Variants in TMEM278 observed in about 807,000 individuals in gnomAD.
TMEM278 encodes the protein transmembrane protein 278.
the TMEM278 span, chr1:1,427,619 C>A: frequency 1.1e-4 from 139 of 1,322,632 alleles, no homozygotes; most frequent in Non-Finnish European, 1.3e-4. Flanking sequence ...CGGCGCTCAT[C>A]GTGTTCGGGC....
At chr1:1,427,750 G>T in the TMEM278 span, 1 of 1,311,822 alleles carries the variant, frequency 7.6e-7, no homozygotes. Flanking sequence ...CCCCCGGGGC[G>T]CCCCGACGAG....
chr1:1,427,377 A>C, the TMEM278 span, among the ~76,000 whole-genome samples: 8 of 22,394 alleles, frequency 3.6e-4, no homozygotes, highest in East Asian at 1.3e-3. Flanking sequence ...CCCCTCCATC[A>C]CCCTGCCCTG....
At chr1:1,425,892 G>GGCTGGAGACTGGCGCTGCTGGA in the TMEM278 span, among the ~76,000 whole-genome samples, 1 of 152,218 alleles carries the variant, frequency 6.6e-6, no homozygotes, top group African/African-American at 2.4e-5. Context: ...AGCTGGCTGG[G>GGCTGGAGACTGGCGCTGCTGGA]GCTGGAGACT....
the TMEM278 span, chr1:1,426,018 T>C: frequency 7.9e-7 from 1 of 1,260,584 alleles, no homozygotes; most frequent in African/African-American, 1.6e-5. Context: ...GGCTGGGGGA[T>C]GTGGACTGGC....
At chr1:1,430,084 C>T in the TMEM278 span, among the ~76,000 whole-genome samples, 220 of 152,300 alleles carry the variant, frequency 1.4e-3, 2 homozygotes, top group South Asian at 0.012. Flanking sequence ...TCTCGAACTC[C>T]TAGGCACAAG....
the TMEM278 span, among the ~76,000 whole-genome samples, chr1:1,429,901 G>A: frequency 5.9e-5 from 9 of 152,256 alleles, no homozygotes; most frequent in East Asian, 9.6e-4. Context: ...TTGCTCTGCC[G>A]CCCAGTCTGA....
At chr1:1,426,471 C>T in the TMEM278 span, 1 of 1,150,410 alleles carries the variant, frequency 8.7e-7, no homozygotes, top group African/African-American at 1.6e-5. Flanking sequence ...TGCCCCCTTC[C>T]AGAATTGCCC....
At chr1:1,427,981 G>A in the TMEM278 span, among the ~76,000 whole-genome samples, 1 of 138,590 alleles carries the variant, frequency 7.2e-6, no homozygotes, top group Non-Finnish European at 1.6e-5. Context: ...GGGGAAGAGA[G>A]GGGAGGGGAG....
chr1:1,426,203 C>A, the TMEM278 span: 5 of 1,415,480 alleles, frequency 3.5e-6, no homozygotes, highest in Non-Finnish European at 4.6e-6. Context: ...CATGCTGCCC[C>A]GGGGACCTCC....
the TMEM278 span, chr1:1,426,412 A>T: frequency 1.2e-4 from 165 of 1,352,100 alleles, no homozygotes; most frequent in Non-Finnish European, 1.5e-4. Flanking sequence ...TGGGCGGGGG[A>T]CTAGCTGGGG....
chr1:1,427,306 A>C, the TMEM278 span, among the ~76,000 whole-genome samples: 4 of 70,286 alleles, frequency 5.7e-5, no homozygotes, highest in African/African-American at 1.2e-4. Flanking sequence ...CATCACCCTG[A>C]CCCACCCACA....
the TMEM278 span, among the ~76,000 whole-genome samples, chr1:1,429,655 C>G: frequency 1.3e-5 from 2 of 152,276 alleles, no homozygotes; most frequent in African/African-American, 4.8e-5. Flanking sequence ...CTTGGGGATG[C>G]TTCCCTCCAG....
the TMEM278 span, chr1:1,426,430 G>T: frequency 7.5e-7 from 1 of 1,325,926 alleles, no homozygotes; most frequent in South Asian, 1.8e-5. Flanking sequence ...GGGTCCTGGG[G>T]AGTGGGCGTG....
the TMEM278 span, chr1:1,426,214 C>A: frequency 1.4e-6 from 2 of 1,413,896 alleles, no homozygotes; most frequent in Non-Finnish European, 1.9e-6. Flanking sequence ...GGGGACCTCC[C>A]GACCACCAGG....
chr1:1,427,093 G>A, the TMEM278 span, among the ~76,000 whole-genome samples: 6 of 102,472 alleles, frequency 5.9e-5, no homozygotes, highest in East Asian at 3.4e-4. Context: ...CCCTCTTCCC[G>A]CCCTGCTCAG....
chr1:1,426,350 G>A, the TMEM278 span: 11 of 1,437,722 alleles, frequency 7.7e-6, no homozygotes, highest in Admixed American at 5.5e-5. Context: ...GCCCGCGGCC[G>A]CCGTCGTCTA....
At chr1:1,428,917 G>A in the TMEM278 span, among the ~76,000 whole-genome samples, 7 of 148,994 alleles carry the variant, frequency 4.7e-5, no homozygotes, top group East Asian at 2.0e-4. Flanking sequence ...GGAGAATGGC[G>A]TGAACCTGGG....
At chr1:1,428,650 T>C in the TMEM278 span, among the ~76,000 whole-genome samples, 939 of 152,304 alleles carry the variant, frequency 6.2e-3, 12 homozygotes, top group African/African-American at 0.021. Context: ...CTCATCAAAT[T>C]ACTCCCTTCC....
At chr1:1,429,118 G>A in the TMEM278 span, among the ~76,000 whole-genome samples, 2 of 151,988 alleles carry the variant, frequency 1.3e-5, no homozygotes, top group African/African-American at 2.4e-5. Flanking sequence ...GCAGTGAGCC[G>A]AAATCATGCC....
Sources: allele counts gnomAD v4.1 joint callset (sites outside exome capture counted in the v4.1 genomes callset), GRCh38; gene constraint gnomAD v4.1.1; transcripts MANE v1.5; gene names NCBI Gene and HGNC (gene_info 2026-07-23, HGNC 2026-07-21).